The following NRXN1 variants were observed in gnomAD, a reference collection of about 807,000 sequenced individuals.
NRXN1 encodes neurexin-1.
Under a neutral mutation model 150.9 loss-of-function variants are expected in NRXN1, and 39 were observed. That is an observed-to-expected ratio of 0.26 (90% CI 0.20 to 0.34). NRXN1 has a LOEUF of 0.34. Among genes scored for constraint, NRXN1 ranks in the 10% least tolerant of loss-of-function variants. The pLI is 1.00. For missense variants in NRXN1, 1,815 were observed against 1,949.9 expected, an observed-to-expected ratio of 0.93 and a Z score of 1.30; for synonymous variants, 924 against 757.0, an observed-to-expected ratio of 1.22 and a Z score of -3.62.
At chr2:50,212,814 G>A (rs1459385938) in intron 18 of NRXN1, among the ~76,000 whole-genome samples, 1 of 151,848 alleles carries the variant, frequency 6.6e-6, no homozygotes, top group Non-Finnish European at 1.5e-5. Context: ...GAAACTTCAA[G>A]GTTAAATGCA....
chr2:50,272,118 C>T (rs1473594270), intron 17 of NRXN1, among the ~76,000 whole-genome samples: 3 of 152,166 alleles, frequency 2.0e-5, no homozygotes, highest in African/African-American at 7.2e-5. Context: ...GCAGGTCTGA[C>T]TCAGAGAACA....
Position 50,729,144 on chromosome 2 carries a change from T to C in NRXN1, c.833-105529A>G, listed in dbSNP as rs572111679. Among the ~76,000 whole-genome samples, 22 of 152,344 alleles carry C rather than the reference T, an allele frequency of 1.4e-4. 1 individual carries two copies. The South Asian group carries it at 4.3e-3, about 30-fold the overall frequency. On this transcript the variant is annotated intron_variant, in intron 5 of 22. Transcript: ENST00000401669. Reference sequence around the variant, plus strand: ...CCCTCAATTTTAAGTTGCATTCTTATATTCTATTTCTTTTAATTTCTAATA... The same window carrying C: ...CCCTCAATTTTAAGTTGCATTCTTACATTCTATTTCTTTTAATTTCTAATA...
chr2:50,044,924 G>A (rs1456403239), intron 21 of NRXN1, among the ~76,000 whole-genome samples: 1 of 152,190 alleles, frequency 6.6e-6, no homozygotes, highest in African/African-American at 2.4e-5. Flanking sequence ...TGCCTATTTT[G>A]TTTTGTTTTG....
chr2:50,068,959 G>A (rs1194663814), intron 19 of NRXN1, among the ~76,000 whole-genome samples: 3 of 152,074 alleles, frequency 2.0e-5, no homozygotes, highest in Non-Finnish European at 4.4e-5. Context: ...ATTCTCAGAG[G>A]TTTATGCATG....
intron 22 of NRXN1, among the ~76,000 whole-genome samples, chr2:49,933,470 G>C (rs114086316): frequency 0.026 from 3,994 of 152,168 alleles, 104 homozygotes; most frequent in East Asian, 0.065. Context: ...TCTGTCCTTT[G>C]CTGTGGGAGT....
intron 18 of NRXN1, among the ~76,000 whole-genome samples, chr2:50,138,387 G>A (rs1463534422): frequency 6.6e-6 from 1 of 152,136 alleles, no homozygotes; most frequent in Non-Finnish European, 1.5e-5. Context: ...GCAAACTGAA[G>A]AGAGAGAGAT....
chr2:50,047,085 G>C (rs914743123), intron 21 of NRXN1, among the ~76,000 whole-genome samples: 1 of 152,136 alleles, frequency 6.6e-6, no homozygotes, highest in African/African-American at 2.4e-5. Flanking sequence ...AGGATAGTCT[G>C]ACAGTTGGGT....
At position 50,940,525 on chromosome 2, in the gene NRXN1, C is replaced by G. The variant is rs80017183; in HGVS notation, c.773-14570G>C. 7.1e-3 allele frequency among the ~76,000 whole-genome samples: 1,066 copies of G among 150,190 alleles called. 7 individuals carry two copies. The highest frequency in any genetic ancestry group is 0.024 in the African/African-American group (1,005 of 41,038). On this transcript the variant is annotated intron_variant, in intron 2 of 22. Transcript: ENST00000401669. ...GAAAACCAAAGGCCACATTGTATGA[C>G]ACAACATAACCTTGTGCTCTCTGGG...
intron 17 of NRXN1, among the ~76,000 whole-genome samples, chr2:50,396,786 T>G (rs943669906): frequency 1.3e-5 from 2 of 152,120 alleles, no homozygotes; most frequent in African/African-American, 2.4e-5. Flanking sequence ...AAATGTAAGA[T>G]GATTTCTCAA....
At chr2:50,943,564 T>C (rs1239122580) in intron 2 of NRXN1, among the ~76,000 whole-genome samples, 1 of 152,184 alleles carries the variant, frequency 6.6e-6, no homozygotes, top group Non-Finnish European at 1.5e-5. Context: ...ATTATCACCC[T>C]AAGCAAGACT....
chr2:50,310,148 T>C (rs2075055372), intron 17 of NRXN1, among the ~76,000 whole-genome samples: 1 of 152,186 alleles, frequency 6.6e-6, no homozygotes, highest in Non-Finnish European at 1.5e-5. Flanking sequence ...CTTGTTTGTG[T>C]TGGGATATAC....
chr2:50,183,450 T>C (rs2060867216), intron 18 of NRXN1, among the ~76,000 whole-genome samples: 1 of 151,876 alleles, frequency 6.6e-6, no homozygotes. Flanking sequence ...CCAACCTCTA[T>C]TTGAAAAAGA....
chr2:50,880,982 G>A (rs1260378095), intron 5 of NRXN1, among the ~76,000 whole-genome samples: 3 of 151,916 alleles, frequency 2.0e-5, no homozygotes, highest in African/African-American at 2.4e-5. Context: ...AGGACACAGA[G>A]AAGTCAAGAG....
chr2:50,987,305 G>A lies in NRXN1; in HGVS notation c.772+40197C>T, dbSNP rs1219379366. Among the ~76,000 whole-genome samples the A allele has an allele frequency of 3.3e-5, 5 of 151,780 alleles. No individual in the cohort carries two copies. The Admixed American group carries it at 3.3e-4, about 10-fold the overall frequency. ...AAGTATTAACAATAAAATAAAGATTGCACCCCACAAATCTGGATGATGTTG... is the reference window on the plus strand; with the variant it reads ...AAGTATTAACAATAAAATAAAGATTACACCCCACAAATCTGGATGATGTTG... On this transcript the variant is annotated intron_variant, in intron 2 of 22. Transcript: ENST00000401669.
chr2:50,762,584 A>G (rs1309172421), intron 5 of NRXN1, among the ~76,000 whole-genome samples: 2 of 151,922 alleles, frequency 1.3e-5, no homozygotes, highest in African/African-American at 4.8e-5. Context: ...GAGTGGGAAC[A>G]TACGGTATTT....
chr2:50,827,856 C>A (rs911304806), intron 5 of NRXN1, among the ~76,000 whole-genome samples: 24 of 149,936 alleles, frequency 1.6e-4, no homozygotes, highest in Non-Finnish European at 4.5e-5. Context: ...GCACATCTTG[C>A]ACCGCCCTTA....
intron 17 of NRXN1, among the ~76,000 whole-genome samples, chr2:50,284,481 T>G (rs556179992): frequency 6.6e-6 from 1 of 152,160 alleles, no homozygotes. Context: ...TTACAACACC[T>G]TGGGGATTCT....
chr2:50,528,456 A>G (rs1315476612), intron 12 of NRXN1, among the ~76,000 whole-genome samples, 169 bp downstream of exon 12: 1 of 152,166 alleles, frequency 6.6e-6, no homozygotes, highest in Non-Finnish European at 1.5e-5. Flanking sequence ...CTTCAGCTGT[A>G]CAAATTTAAA....
intron 5 of NRXN1, among the ~76,000 whole-genome samples, chr2:50,900,397 G>C (rs999719874): frequency 3.3e-5 from 5 of 152,146 alleles, no homozygotes; most frequent in Non-Finnish European, 7.3e-5. Context: ...ATGTACTTGG[G>C]ATCAGCCTCT....
Sources: allele counts gnomAD v4.1 joint callset (sites outside exome capture counted in the v4.1 genomes callset), GRCh38; gene constraint gnomAD v4.1.1; transcripts MANE v1.5; gene names NCBI Gene and HGNC (gene_info 2026-07-23, HGNC 2026-07-21).